Variants in APCDD1L observed in about 807,000 individuals in gnomAD.
The protein encoded by APCDD1L is protein APCDD1-like.
In APCDD1L, 21 loss-of-function variants were observed where a neutral mutation model predicts 24.2. The ratio of observed to expected loss-of-function variants is 0.87; its 90% CI spans 0.61 to 1.25. APCDD1L has a LOEUF of 1.25. Ranked by LOEUF, APCDD1L falls within the 50% of genes most tolerant of loss-of-function variation. APCDD1L has a pLI of 0.00. For missense variants in APCDD1L, 704 were observed against 711.7 expected (o/e 0.99, Z 0.12); for synonymous variants, 321 against 323.6 (o/e 0.99, Z 0.09).
intron 1 of APCDD1L, among the ~76,000 whole-genome samples, chr20:58,474,738 C>T (rs578079961): frequency 6.6e-6 from 1 of 152,022 alleles, no homozygotes; most frequent in African/African-American, 2.4e-5. Flanking sequence ...CAAAAAATAA[C>T]AGGCACCGTT....
intron 1 of APCDD1L, among the ~76,000 whole-genome samples, chr20:58,499,569 G>A (rs1568751117): frequency 6.6e-6 from 1 of 152,154 alleles, no homozygotes; most frequent in Admixed American, 6.5e-5. Context: ...TGTTGGATTG[G>A]GCACCAGAAC....
At chr20:58,490,852 G>A (rs998790629) in intron 1 of APCDD1L, among the ~76,000 whole-genome samples, 1 of 152,196 alleles carries the variant, frequency 6.6e-6, no homozygotes, top group South Asian at 2.1e-4. Context: ...AGAGAGGAAA[G>A]TTATAGGCCA....
rs1043020452 is a variant in APCDD1L, at chr20:58,494,344, T to G, written c.49+20315A>C. On this transcript the variant is annotated intron_variant, in intron 1 of 3. Coordinates refer to ENST00000371149, the MANE Select transcript of APCDD1L (RefSeq NM_153360.3). This position sits in a 1 kb window ranked among gnomAD's most constrained non-coding sequence, Gnocchi z 4.8. ...TTCTTTTCCTTTCCTTTCTTTTCTT[T>G]CCTTTTTTCTTGAGTCAGGGTTTCA... Among the ~76,000 whole-genome samples the G allele has an allele frequency of 5.3e-5, 8 of 152,258 alleles. No individual in the cohort carries two copies. Among genetic ancestry groups the G allele is most frequent in the Admixed American group, 2.6e-4 (4 of 15,282 alleles).
chr20:58,467,575 T>C lies in APCDD1L; in HGVS notation c.272A>G (p.Tyr91Cys). 2 of 1,575,542 alleles carry C rather than the reference T, an allele frequency of 1.3e-6. No homozygotes were observed. Among genetic ancestry groups the C allele is most frequent in the South Asian group, 2.3e-5 (2 of 86,738 alleles). Residue 91 changes from tyrosine to cysteine, a missense_variant, in exon 3 of 4, where the codon TAC becomes TGC. Physicochemically the swap from Tyr to Cys is radical, Grantham distance 194 (BLOSUM62 -2). Coordinates refer to ENST00000371149, the MANE Select transcript of APCDD1L (RefSeq NM_153360.3). This position sits in a 1 kb window ranked among gnomAD's most constrained non-coding sequence, Gnocchi z 5.9. Reference protein sequence around the residue: ...PSRLFRAHQFYYEDPFCGEPA... With the variant: ...PSRLFRAHQFCYEDPFCGEPA... The stretch of plus-strand genomic sequence containing the variant: ...TTCCCCGCAGAAGGGGTCCTCGTAG[T>C]AGAACTGGTGGGCTCGAAAGAGCCG...
Position 58,514,789 on chromosome 20 carries a change from T to TGCGGGCGC in APCDD1L, c.-90_-83dup. 1 of 1,170,130 alleles carries TGCGGGCGC rather than the reference T, an allele frequency of 8.5e-7. No individual in the cohort carries two copies. The highest frequency in any genetic ancestry group is 1.1e-6 in the Non-Finnish European group (1 of 919,420). The allele number at this position is 1,170,130 out of a possible 1,614,324, so 72.5% of individuals were successfully genotyped here. On this transcript the variant is annotated 5_prime_UTR_variant, in exon 1 of 4. Transcript: ENST00000371149. ...CGCGGGCGCAGGGCTCTCGGACGGC[T>TGCGGGCGC]GCGGGCGCCGGCGGCCAGGCTGGAG...
At chr20:58,502,380 C>T (rs959940769) in intron 1 of APCDD1L, among the ~76,000 whole-genome samples, 46 of 152,196 alleles carry the variant, frequency 3.0e-4, no homozygotes, top group Admixed American at 2.6e-4. Context: ...GGATTACAGG[C>T]GTGAGACACC....
chr20:58,471,326 T>C (rs892996802), intron 1 of APCDD1L, among the ~76,000 whole-genome samples: 1 of 152,218 alleles, frequency 6.6e-6, no homozygotes, highest in Non-Finnish European at 1.5e-5. Flanking sequence ...GGGCACCTGC[T>C]ATCTACTCGG....
In APCDD1L at chr20:58,504,286, G is replaced by A. The variant is rs192900711; in HGVS notation, c.49+10373C>T. Among the ~76,000 whole-genome samples the A allele has an allele frequency of 1.1e-4, 16 of 152,248 alleles. No individual in the cohort carries two copies. The East Asian group carries it at 2.5e-3, about 24-fold the overall frequency. ...TGGCTCTTCTCTGTGATGAGCAAGA[G>A]GTCTTCTTGCCTCTGAGACAACCAT... is the stretch of plus-strand genomic sequence containing the variant. On this transcript the variant is annotated intron_variant, in intron 1 of 3. Coordinates refer to ENST00000371149, the MANE Select transcript of APCDD1L (RefSeq NM_153360.3).
Position 58,508,962 on chromosome 20 carries a change from CTGTGTGCGCACG to C in APCDD1L, c.49+5685_49+5696del, listed in dbSNP as rs1203717153. On this transcript the variant is annotated intron_variant, in intron 1 of 3. Transcript: ENST00000371149. This position sits in a 1 kb window ranked among gnomAD's most constrained non-coding sequence, Gnocchi z 4.0. Reference sequence around the variant, plus strand: ...AGTGTGTGTGAGTGTGCATGTGTGTCTGTGTGCGCACGTGTGTGTGCATGTGCATGCGTGTGT... The same window carrying C: ...AGTGTGTGTGAGTGTGCATGTGTGTCTGTGTGTGCATGTGCATGCGTGTGT... Among the ~76,000 whole-genome samples the C allele has an allele frequency of 9.7e-4, 146 of 150,000 alleles. No homozygotes were observed. The highest frequency in any genetic ancestry group is 3.6e-3 in the African/African-American group (145 of 40,654).
chr20:58,510,030 A>T (rs1990597797), intron 1 of APCDD1L, among the ~76,000 whole-genome samples: 1 of 151,736 alleles, frequency 6.6e-6, no homozygotes, highest in Admixed American at 6.6e-5. Context: ...TTCTGCCGGG[A>T]ATTCTGTCTG....
chr20:58,514,098 T>A, intron 1 of APCDD1L: 1 of 516,370 alleles, frequency 1.9e-6, no homozygotes, highest in Non-Finnish European at 3.0e-6. Context: ...AGGCATTGAC[T>A]ACTCTACCAG....
Position 58,461,535 on chromosome 20 carries a change from G to T in APCDD1L, c.761C>A (p.Pro254Gln). 7.0e-7 allele frequency: 1 copy of T among 1,433,826 alleles called. No individual in the cohort carries two copies. The highest frequency in any genetic ancestry group is 9.2e-7 in the Non-Finnish European group (1 of 1,088,108). 88.8% of individuals were successfully genotyped at this position (1,433,826 alleles called of 1,614,324 possible). A position where few individuals can be genotyped will look rare whatever the true frequency, so the allele number is the denominator to read the frequency against. ...QSALHHVQPC[P>Q]ACGLIARSDV... ...GGAGCGGGCAATGAGGCCACAGGCT[G>T]GGCACGGCTGCACGTGGTGCTGGCA... The change falls in exon 4 of 4, where the codon CCA (proline) becomes CAA (glutamine). Residue 254 changes from proline to glutamine, a missense_variant. Transcript: ENST00000371149. The surrounding 1 kb of genome is among the most constrained non-coding windows in gnomAD (Gnocchi z 6.0).
intron 1 of APCDD1L, among the ~76,000 whole-genome samples, chr20:58,512,038 C>T (rs939717528): frequency 7.2e-5 from 11 of 152,260 alleles, no homozygotes; most frequent in Admixed American, 6.5e-4. Flanking sequence ...AGCTGGAGAA[C>T]TGGCACCAGA....
intron 3 of APCDD1L, among the ~76,000 whole-genome samples, chr20:58,463,644 G>A (rs905553378): frequency 1.1e-4 from 16 of 152,184 alleles, no homozygotes; most frequent in South Asian, 4.1e-4. Flanking sequence ...AAGCTGATGT[G>A]AGAACAAGCA....
chr20:58,472,785 G>A (rs543736338), intron 1 of APCDD1L, among the ~76,000 whole-genome samples: 2 of 152,344 alleles, frequency 1.3e-5, no homozygotes, highest in East Asian at 3.9e-4. Context: ...AGAGGCCGTG[G>A]TTGTTTTGTC....
chr20:58,474,868 A>G (rs1429882315), intron 1 of APCDD1L, among the ~76,000 whole-genome samples: 4 of 152,134 alleles, frequency 2.6e-5, no homozygotes, highest in Non-Finnish European at 5.9e-5. Context: ...TGTGCCCATC[A>G]GCAGTCACTC....
Position 58,460,929 on chromosome 20 carries a change from T to C in APCDD1L, c.1367A>G (p.His456Arg). 6.2e-7 allele frequency: 1 copy of C among 1,613,808 alleles called. No individual in the cohort carries two copies. Among genetic ancestry groups the C allele is most frequent in the Non-Finnish European group, 8.5e-7 (1 of 1,179,826 alleles). ...TSYQAPLVLCHGEAPDFSRPP... is the reference protein window; with the variant it reads ...TSYQAPLVLCRGEAPDFSRPP... ...CCTGGAGAAGTCGGGGGCCTCCCCA[T>C]GACAGAGCACCAGGGGTGCTTGGTA... is the stretch of plus-strand genomic sequence containing the variant. Residue 456 changes from histidine (H) to arginine (R), a missense_variant, in exon 4 of 4, where the codon CAT becomes CGT. Physicochemically the swap from His to Arg is conservative, Grantham distance 29. Coordinates refer to ENST00000371149, the MANE Select transcript of APCDD1L (RefSeq NM_153360.3). The surrounding 1 kb of genome is among the most constrained non-coding windows in gnomAD (Gnocchi z 4.2).
At chr20:58,487,270 A>G (rs1253912317) in intron 1 of APCDD1L, among the ~76,000 whole-genome samples, 3 of 152,194 alleles carry the variant, frequency 2.0e-5, no homozygotes, top group Non-Finnish European at 4.4e-5. Context: ...AATTTCTTGC[A>G]TTAATCAGGA....
At chr20:58,489,388 C>CA (rs912993006) in intron 1 of APCDD1L, among the ~76,000 whole-genome samples, 16 of 149,548 alleles carry the variant, frequency 1.1e-4, no homozygotes, top group South Asian at 2.1e-4. Context: ...AAAATAAAAA[C>CA]AAAAAAAAAT....
Sources: gnomAD v4.1 joint callset for allele counts (sites outside exome capture counted in the v4.1 genomes callset) on GRCh38, gnomAD v4.1.1 for gene constraint, Gnocchi (gnomAD v3.1) non-coding constraint, MANE v1.5 for transcripts, NCBI Gene and HGNC (gene_info 2026-07-23, HGNC 2026-07-21) for gene names.